Variants in PTPN20 observed in about 807,000 individuals in gnomAD.
PTPN20 encodes tyrosine-protein phosphatase non-receptor type 20.
PTPN20 carries 9 observed loss-of-function variants against 35.0 expected under a neutral mutation model. The observed-to-expected ratio is 0.26, with a 90% CI of 0.15 to 0.45. The LOEUF is 0.45. Among genes scored for constraint, PTPN20 ranks in the 20% least tolerant of loss-of-function variants. The pLI, the probability that PTPN20 is intolerant of heterozygous loss-of-function variation, is 1.00. For missense variants in PTPN20, 111 were observed against 312.5 expected (o/e 0.36, Z 4.86); for synonymous variants, 32 against 100.2 (o/e 0.32, Z 4.06).
intron 5 of PTPN20, among the ~76,000 whole-genome samples, chr10:46,953,335 T>TTTCCTTTCTTTC (rs1555148518): frequency 1.8e-5 from 2 of 113,408 alleles, no homozygotes; most frequent in Non-Finnish European, 3.4e-5. Context: ...CTTTCATTTC[T>TTTCCTTTCTTTC]TTTCTTTCTT....
intron 1 of PTPN20, chr10:46,925,975 T>TGTA (rs1375388449): frequency 3.0e-6 from 3 of 984,046 alleles, no homozygotes; most frequent in Admixed American, 6.2e-5. Context: ...ATTTTCTTAG[T>TGTA]GTAGATGCCT....
In PTPN20 at chr10:46,940,636, G is replaced by T. The variant is rs1589393176; in HGVS notation, c.48G>T (p.Glu16Asp). 6.2e-7 allele frequency: 1 copy of T among 1,611,102 alleles called. No individual in the cohort carries two copies. Among genetic ancestry groups the T allele is most frequent in the East Asian group, 2.2e-5 (1 of 44,836 alleles). Reference sequence around the variant, plus strand: ...GCCTTTGTTCAGTAAACGATTATGAGGGAAATGACTCTGAAGCAGAAGACT... The same window carrying T: ...GCCTTTGTTCAGTAAACGATTATGATGGAAATGACTCTGAAGCAGAAGACT... Reference protein sequence around the residue: ...DFRAEPVNDYEGNDSEAEDLN... With the variant: ...DFRAEPVNDYDGNDSEAEDLN... The change falls in exon 3 of 11, where the codon GAG (glutamate) becomes GAT (aspartate). Residue 16 changes from glutamate to aspartate, a missense_variant. This residue lies in a region of PTPN20 where 22 missense variants were observed against 49.2 expected (regional missense o/e 0.45). Transcript: ENST00000374339.
At chr10:46,995,731 A>G (rs2058984115) in intron 9 of PTPN20, among the ~76,000 whole-genome samples, 2 of 152,308 alleles carry the variant, frequency 1.3e-5, no homozygotes, top group East Asian at 3.9e-4. Flanking sequence ...GTTTCCTGCC[A>G]GGTAACCCAG....
At chr10:46,995,337 T>TC (rs1302820011) in intron 9 of PTPN20, among the ~76,000 whole-genome samples, 7 of 145,698 alleles carry the variant, frequency 4.8e-5, no homozygotes, top group Admixed American at 1.4e-4. Flanking sequence ...TTTTTTCTTT[T>TC]TTTTTTTTTT....
chr10:46,925,385 C>T (rs2132599697), intron 1 of PTPN20, among the ~76,000 whole-genome samples: 1 of 147,486 alleles, frequency 6.8e-6, no homozygotes, highest in African/African-American at 2.5e-5. Context: ...TGCCTTATCA[C>T]AGGGAAGTAT....
intron 2 of PTPN20, among the ~76,000 whole-genome samples, chr10:46,937,824 G>A (rs2042159661): frequency 6.6e-6 from 1 of 151,536 alleles, no homozygotes; most frequent in African/African-American, 2.4e-5. Context: ...TGATTTGGCT[G>A]TGGGTTATAC....
At chr10:46,945,647 G>A (rs2044514043) in intron 4 of PTPN20, among the ~76,000 whole-genome samples, 2 of 152,168 alleles carry the variant, frequency 1.3e-5, no homozygotes, top group African/African-American at 2.4e-5. Flanking sequence ...AAACATTGAA[G>A]GTTAGATGCA....
intron 9 of PTPN20, among the ~76,000 whole-genome samples, chr10:46,997,327 T>C (rs2059292536): frequency 6.6e-6 from 1 of 152,072 alleles, no homozygotes; most frequent in Admixed American, 6.5e-5. Flanking sequence ...CCCTGTGATC[T>C]TGTTGAAATT....
chr10:46,963,835 A>G (rs2050069490), intron 5 of PTPN20, among the ~76,000 whole-genome samples: 1 of 76,920 alleles, frequency 1.3e-5, no homozygotes, highest in Non-Finnish European at 2.2e-5. Context: ...CTTTTGTACT[A>G]GCAAAGGTGG....
intron 2 of PTPN20, among the ~76,000 whole-genome samples, chr10:46,936,871 G>A (rs1197403648): frequency 7.0e-6 from 1 of 142,076 alleles, no homozygotes; most frequent in Non-Finnish European, 1.5e-5. Flanking sequence ...TATTGTGAGT[G>A]TTGTATACCC....
rs1293780255 is a variant in PTPN20, at chr10:47,001,298, A to G, written c.*557A>G. On this transcript the variant is annotated 3_prime_UTR_variant, in exon 11 of 11. Transcript: ENST00000374339. ...TAACTTTGGACACAAATTGGCTTCCATTTCCTACATTTTCATACTGCTGCC... is the reference window on the plus strand; with the variant it reads ...TAACTTTGGACACAAATTGGCTTCCGTTTCCTACATTTTCATACTGCTGCC... The G allele has an allele frequency of 1.3e-5, 2 of 157,210 alleles. No individual in the cohort carries two copies. Among genetic ancestry groups the G allele is most frequent in the African/African-American group, 4.8e-5 (2 of 41,418 alleles). 9.7% of individuals were successfully genotyped at this position (157,210 alleles called of 1,614,324 possible).
At chr10:46,999,606 C>T (rs1378270516) in intron 9 of PTPN20, among the ~76,000 whole-genome samples, 1 of 152,152 alleles carries the variant, frequency 6.6e-6, no homozygotes, top group Non-Finnish European at 1.5e-5. Context: ...CTGTGCCTTT[C>T]CAGAATTACA....
At chr10:46,982,534 A>G (rs2055740724) in intron 7 of PTPN20, among the ~76,000 whole-genome samples, 1 of 150,772 alleles carries the variant, frequency 6.6e-6, no homozygotes, top group African/African-American at 2.4e-5. Context: ...GAGTTCTGGG[A>G]AAATTTTTTA....
chr10:46,955,423 A>G (rs1437384303), intron 5 of PTPN20, among the ~76,000 whole-genome samples: 1 of 151,814 alleles, frequency 6.6e-6, no homozygotes, highest in Non-Finnish European at 1.5e-5. Context: ...GAAGAGACAA[A>G]TCTCCCATGC....
In PTPN20 at chr10:46,980,023, A is replaced by T. The variant is rs1437102243; in HGVS notation, c.584-4207A>T. On this transcript the variant is annotated intron_variant, in intron 7 of 10. Coordinates refer to ENST00000374339, the MANE Select transcript of PTPN20 (RefSeq NM_001042357.5). Reference sequence around the variant, plus strand: ...TGGATCTAGTGAACAAGAAGTAGCAAATGCTTTAGTCTTATTTGTCTGTCA... The same window carrying T: ...TGGATCTAGTGAACAAGAAGTAGCATATGCTTTAGTCTTATTTGTCTGTCA... Among the ~76,000 whole-genome samples the T allele has an allele frequency of 1.3e-5, 2 of 150,576 alleles. 1 individual carries two copies. The highest frequency in any genetic ancestry group is 4.1e-4 in the East Asian group (2 of 4,840).
intron 5 of PTPN20, among the ~76,000 whole-genome samples, chr10:46,951,099 T>C (rs1200332936): frequency 6.6e-6 from 1 of 151,710 alleles, no homozygotes; most frequent in Non-Finnish European, 1.5e-5. Flanking sequence ...TTTATGTTCG[T>C]TTTATATTTT....
At chr10:46,988,069 A>G in intron 9 of PTPN20, among the ~76,000 whole-genome samples, 1 of 152,304 alleles carries the variant, frequency 6.6e-6, no homozygotes, top group Admixed American at 6.5e-5. Context: ...AAACATAATA[A>G]TATAATTGAG....
At chr10:46,935,721 G>T (rs1310064746) in intron 2 of PTPN20, among the ~76,000 whole-genome samples, 3 of 151,552 alleles carry the variant, frequency 2.0e-5, no homozygotes, top group Non-Finnish European at 4.4e-5. Flanking sequence ...CAGGCATGTA[G>T]GTTGATTCCA....
At chr10:47,003,205 A>C (rs2060134149), downstream of PTPN20, among the ~76,000 whole-genome samples, 1 of 152,046 alleles carries the variant, frequency 6.6e-6, no homozygotes, top group Admixed American at 6.6e-5. Flanking sequence ...AGGGATCTTA[A>C]AAGATTGAAT....
Sources: allele counts gnomAD v4.1 joint callset (sites outside exome capture counted in the v4.1 genomes callset), GRCh38; gene constraint gnomAD v4.1.1; regional missense constraint gnomAD v4.1.1; transcripts MANE v1.5; gene names NCBI Gene and HGNC (gene_info 2026-07-23, HGNC 2026-07-21).